The following WFDC1 variants were observed in gnomAD, a reference collection of about 807,000 sequenced individuals.
The protein encoded by WFDC1 is WAP four-disulfide core domain protein 1.
Under a neutral mutation model 32.9 loss-of-function variants are expected in WFDC1, and 39 were observed. The observed-to-expected ratio is 1.19, with a 90% CI of 0.92 to 1.55. WFDC1 has a LOEUF of 1.55. WFDC1 is among the 40% of genes most tolerant of loss of function. The pLI is 0.00. For missense variants in WFDC1, 386 were observed against 309.5 expected (o/e 1.25, Z -1.85); for synonymous variants, 184 against 137.4 (o/e 1.34, Z -2.37).
chr16:84,320,190 G>C (rs975189628), intron 4 of WFDC1, among the ~76,000 whole-genome samples: 3 of 152,182 alleles, frequency 2.0e-5, no homozygotes, highest in Non-Finnish European at 2.9e-5. Context: ...CTTTGTGTTA[G>C]ATGACTTTGC....
intron 1 of WFDC1, among the ~76,000 whole-genome samples, chr16:84,306,788 T>TCATCATCAC (rs1208691862): frequency 2.0e-5 from 3 of 151,952 alleles, no homozygotes; most frequent in Admixed American, 6.6e-5. Context: ...ATCATCATCA[T>TCATCATCAC]CACAGCTTTT....
At chr16:84,310,872 A>T (rs1907575418) in intron 1 of WFDC1, among the ~76,000 whole-genome samples, 1 of 152,134 alleles carries the variant, frequency 6.6e-6, no homozygotes, top group African/African-American at 2.4e-5. Flanking sequence ...GATATGCCCT[A>T]TGTACTGGGC....
At position 84,318,427 on chromosome 16, in the gene WFDC1, T is replaced by C. The variant is rs1050653812; in HGVS notation, c.421+72T>C. On this transcript the variant is annotated intron_variant, in intron 3 of 6. Transcript: ENST00000219454. ...TCCTTCTCAGCTGCTTCCAGAAAGC[T>C]GGCAGCACCAGGCCGGCTGTCCCCC... is the stretch of plus-strand genomic sequence containing the variant. The C allele has an allele frequency of 9.0e-5, 134 of 1,490,418 alleles. 1 individual carries two copies. The African/African-American group carries it at 1.7e-3, about 19-fold the overall frequency. The allele number at this position is 1,490,418 out of a possible 1,614,324, so 92.3% of individuals were successfully genotyped here. A position where few individuals can be genotyped will look rare whatever the true frequency, so the allele number is the denominator to read the frequency against.
intron 4 of WFDC1, among the ~76,000 whole-genome samples, chr16:84,321,904 C>G (rs913116883): frequency 9.2e-5 from 14 of 152,182 alleles, no homozygotes; most frequent in Admixed American, 9.2e-4. Flanking sequence ...GTTCCTTGAT[C>G]TGTAAAATAG....
intron 1 of WFDC1, among the ~76,000 whole-genome samples, chr16:84,312,211 A>T (rs1437010509): frequency 6.6e-6 from 1 of 152,170 alleles, no homozygotes; most frequent in Non-Finnish European, 1.5e-5. Flanking sequence ...CAAAGCGTAT[A>T]AATCCTACGT....
At chr16:84,315,421 C>T (rs914327246) in intron 2 of WFDC1, among the ~76,000 whole-genome samples, 3 of 152,230 alleles carry the variant, frequency 2.0e-5, no homozygotes, top group Non-Finnish European at 2.9e-5. Flanking sequence ...CTTTCATTCA[C>T]TGCTGTAACC....
At chr16:84,295,534 CTG>C (rs1906543545) in intron 1 of WFDC1, 1 of 258,524 alleles carries the variant, frequency 3.9e-6, no homozygotes, top group Non-Finnish European at 7.3e-6. Flanking sequence ...TGAATACACT[CTG>C]TTAAACAGAA....
intron 1 of WFDC1, among the ~76,000 whole-genome samples, chr16:84,312,391 A>G (rs993024631): frequency 3.8e-4 from 58 of 152,172 alleles, no homozygotes; most frequent in African/African-American, 1.4e-3. Context: ...AGCTGCAAAT[A>G]TAAGTGGAAT....
chr16:84,304,653 A>G (rs1907141213), intron 1 of WFDC1, among the ~76,000 whole-genome samples: 1 of 152,230 alleles, frequency 6.6e-6, no homozygotes, highest in Admixed American at 6.5e-5. Flanking sequence ...CAGGAATGAA[A>G]ATAAAAGCTG....
intron 1 of WFDC1, among the ~76,000 whole-genome samples, chr16:84,312,474 A>G (rs1326461912): frequency 6.6e-6 from 1 of 152,122 alleles, no homozygotes; most frequent in Admixed American, 6.5e-5. Context: ...ATGTTGTTGC[A>G]TGGATTTAAT....
chr16:84,318,765 C>T, intron 3 of WFDC1: 1 of 225,360 alleles, frequency 4.4e-6, no homozygotes, highest in South Asian at 7.1e-5. Flanking sequence ...GGCCTGGAGG[C>T]CTAGGAGGTG....
intron 1 of WFDC1, among the ~76,000 whole-genome samples, chr16:84,299,930 C>T (rs1194165600): frequency 2.0e-5 from 3 of 152,220 alleles, no homozygotes; most frequent in African/African-American, 7.2e-5. Context: ...TCTGGAGGCA[C>T]CCCCTGTGCT....
chr16:84,317,120 C>G (rs1362278549), intron 2 of WFDC1: 1 of 151,632 alleles, frequency 6.6e-6, no homozygotes, highest in East Asian at 1.9e-4. Context: ...TGGCAAAACC[C>G]CATCTCTACT....
chr16:84,324,961 A>G (rs547544450), intron 5 of WFDC1, among the ~76,000 whole-genome samples: 90 of 151,224 alleles, frequency 6.0e-4, no homozygotes, highest in Non-Finnish European at 9.7e-4. Context: ...TCATCCATTC[A>G]TTCCTCTATC....
At chr16:84,318,824 CATCT>C in intron 3 of WFDC1, 1 of 216,486 alleles carries the variant, frequency 4.6e-6, no homozygotes, top group South Asian at 8.0e-5. Context: ...ACTCCACGTC[CATCT>C]GTGTGTTGTG....
chr16:84,316,433 GTGATCC>G (rs1907953097), intron 2 of WFDC1: 1 of 152,170 alleles, frequency 6.6e-6, no homozygotes, highest in South Asian at 2.1e-4. Flanking sequence ...ACAAGCAAAT[GTGATCC>G]CAGAACAGTT....
At chr16:84,327,507 T>A (rs1294684041) in intron 6 of WFDC1, 1 of 153,118 alleles carries the variant, frequency 6.5e-6, no homozygotes. Context: ...CCTTAACTCT[T>A]GTTTATATCC....
In WFDC1 at chr16:84,295,931, T is replaced by TG. The variant is rs1906571235; in HGVS notation, c.144+820dup. The TG allele has an allele frequency of 5.9e-5, 9 of 152,432 alleles. No individual in the cohort carries two copies. In the South Asian group the frequency reaches 1.9e-3, roughly 32 times the overall value. The allele number at this position is 152,432 out of a possible 1,614,324, so 9.4% of individuals were successfully genotyped here. On this transcript the variant is annotated intron_variant, in intron 1 of 6. Transcript: ENST00000219454. ...GGGATACAGGCCTCACATCTCTGCC[T>TG]GGGGAACTCAATGGGGGGCTGGGGG...
At chr16:84,317,343 G>A (rs201353378) in intron 2 of WFDC1, 2 of 124,060 alleles carry the variant, frequency 1.6e-5, no homozygotes, top group Non-Finnish European at 3.4e-5. Context: ...TAAATAAGAA[G>A]TAAATAAATA....
Sources: allele counts gnomAD v4.1 joint callset (sites outside exome capture counted in the v4.1 genomes callset), GRCh38; gene constraint gnomAD v4.1.1; transcripts MANE v1.5; gene names NCBI Gene and HGNC (gene_info 2026-07-23, HGNC 2026-07-21).